STK31: variants seen among roughly 807,000 people sequenced by gnomAD.
The protein encoded by STK31 is serine/threonine-protein kinase 31.
A neutral mutation model predicts 129.7 loss-of-function variants in STK31; 89 were observed. That is an observed-to-expected ratio of 0.69 (90% confidence interval 0.58 to 0.82). The LOEUF (loss-of-function observed/expected upper bound fraction) is 0.82. Ranked by LOEUF, STK31 falls within the 40% of genes least tolerant of loss-of-function variation. The pLI is 0.00. For missense variants in STK31, 1,187 were observed against 1,176.4 expected, an observed-to-expected ratio of 1.01 and a Z score of -0.13; for synonymous variants, 448 against 395.3, an observed-to-expected ratio of 1.13 and a Z score of -1.58.
At chr7:23,721,277 A>G in intron 4 of STK31, 1 of 570,484 alleles carries the variant, frequency 1.8e-6, no homozygotes. Context: ...TAAGGGAATT[A>G]CTGGTGGCAT....
At chr7:23,726,172 A>T (rs1239665709) in intron 4 of STK31, 2 of 152,204 alleles carry the variant, frequency 1.3e-5, no homozygotes, top group Non-Finnish European at 2.9e-5. Context: ...TCTAAATCAT[A>T]GACACCTTCA....
intron 13 of STK31, 133 bp from the exon 14 acceptor site, chr7:23,770,872 T>G: frequency 1.1e-6 from 1 of 948,292 alleles, no homozygotes; most frequent in Non-Finnish European, 1.5e-6. Context: ...AACATTTGTG[T>G]TTAAGAACTG....
chr7:23,778,132 ATTCTT>A (rs1790675317), intron 15 of STK31, among the ~76,000 whole-genome samples: 1 of 152,194 alleles, frequency 6.6e-6, no homozygotes, highest in African/African-American at 2.4e-5. Context: ...TGGTCTGAAA[ATTCTT>A]TTCTTTAAGA....
At chr7:23,785,636 T>A in intron 18 of STK31, 33 bp downstream of exon 18, 7 of 1,599,386 alleles carry the variant, frequency 4.4e-6, no homozygotes, top group Non-Finnish European at 6.0e-6. Context: ...TGTGGGAGAT[T>A]CAGCAGCATA....
At chr7:23,750,925 C>T (rs899574064) in intron 8 of STK31, among the ~76,000 whole-genome samples, 2 of 152,144 alleles carry the variant, frequency 1.3e-5, no homozygotes, top group African/African-American at 4.8e-5. Context: ...ATATACAATA[C>T]ATCATTAACT....
At chr7:23,730,269 T>C (rs1787324306) in intron 6 of STK31, among the ~76,000 whole-genome samples, 1 of 152,240 alleles carries the variant, frequency 6.6e-6, no homozygotes, top group Non-Finnish European at 1.5e-5. Context: ...AGTTTAATCA[T>C]TGTAAGCATT....
At chr7:23,751,376 A>G (rs1428921767) in intron 8 of STK31, among the ~76,000 whole-genome samples, 1 of 152,134 alleles carries the variant, frequency 6.6e-6, no homozygotes, top group Non-Finnish European at 1.5e-5. Flanking sequence ...GGTTCCTGCA[A>G]TATATTTTGT....
chr7:23,826,526 C>T (rs1376243003), intron 23 of STK31, among the ~76,000 whole-genome samples: 1 of 152,174 alleles, frequency 6.6e-6, no homozygotes, highest in Non-Finnish European at 1.5e-5. Flanking sequence ...GAATACAGCA[C>T]ACTGATGGGT....
chr7:23,798,643 C>T (rs1347083878), intron 22 of STK31, among the ~76,000 whole-genome samples: 2 of 152,212 alleles, frequency 1.3e-5, no homozygotes. Flanking sequence ...CAGCTAATAT[C>T]TTACTGAATG....
chr7:23,762,735 C>T, intron 10 of STK31, 66 bp from the exon 11 acceptor site: 2 of 1,557,588 alleles, frequency 1.3e-6, no homozygotes, highest in Non-Finnish European at 1.7e-6. Context: ...CACTTTTTTT[C>T]ATATAGGTCA....
At chr7:23,752,669 C>G (rs1338933909) in intron 8 of STK31, 48 bp from the exon 9 acceptor site, 4 of 1,344,052 alleles carry the variant, frequency 3.0e-6, no homozygotes, top group African/African-American at 1.4e-5. Flanking sequence ...AGCAGAAATA[C>G]AGTTTCCTAT....
intron 11 of STK31, among the ~76,000 whole-genome samples, chr7:23,764,024 A>G (rs925973742): frequency 1.3e-5 from 2 of 152,132 alleles, no homozygotes; most frequent in Admixed American, 6.6e-5. Context: ...ACATCTGGGC[A>G]TTGTTTCTTT....
At chr7:23,790,786 GT>G (rs1395297340) in intron 21 of STK31, 37 bp from the exon 22 acceptor site, 1 of 1,547,096 alleles carries the variant, frequency 6.5e-7, no homozygotes, top group African/African-American at 1.4e-5. Flanking sequence ...CACCTCAACT[GT>G]GTTGTATCTG....
At chr7:23,754,287 T>A (rs1365018025) in intron 9 of STK31, 28 bp from the exon 10 acceptor site, 20 of 1,597,012 alleles carry the variant, frequency 1.3e-5, no homozygotes, top group Non-Finnish European at 1.5e-5. Context: ...TTTATTGATC[T>A]TCTTCTTTTT....
At chr7:23,731,658 C>G (rs1421947862) in intron 6 of STK31, among the ~76,000 whole-genome samples, 1 of 152,182 alleles carries the variant, frequency 6.6e-6, no homozygotes, top group African/African-American at 2.4e-5. Flanking sequence ...CTAACACTTT[C>G]ACGCTATGCT....
Position 23,710,284 on chromosome 7 carries a change from G to GTA in STK31, c.1_2dup, listed in dbSNP as rs778567866. On this transcript the variant is annotated 5_prime_UTR_variant, in exon 1 of 24. Transcript: ENST00000355870. ...CGGCGGGCGGAGGGCCGAAAGTCCA[G>GTA]TATGTGGGTCCAGGGTCACTCTTCT... 1.2e-5 allele frequency: 19 copies of GTA among 1,612,446 alleles called. No homozygotes were observed. In the South Asian group the frequency reaches 1.9e-4, roughly 16 times the overall value.
At chr7:23,802,352 G>A (rs992750250) in intron 22 of STK31, among the ~76,000 whole-genome samples, 2 of 152,196 alleles carry the variant, frequency 1.3e-5, no homozygotes, top group African/African-American at 2.4e-5. Context: ...CCCGCTGTGC[G>A]GTCCAGATGG....
intron 22 of STK31, among the ~76,000 whole-genome samples, chr7:23,799,063 T>C (rs12700480): frequency 0.99 from 151,231 of 152,276 alleles, 75,110 homozygotes; most frequent in Middle Eastern, 1. Context: ...TCAAGAAGAA[T>C]TACAAACCAC....
chr7:23,805,132 G>A (rs1247124381), intron 22 of STK31, among the ~76,000 whole-genome samples: 2 of 151,820 alleles, frequency 1.3e-5, no homozygotes, highest in Non-Finnish European at 2.9e-5. Context: ...CTAGGGTGCA[G>A]TGGTGTGATC....
Sources: allele counts gnomAD v4.1 joint callset (sites outside exome capture counted in the v4.1 genomes callset), GRCh38; gene constraint gnomAD v4.1.1; transcripts MANE v1.5; gene names NCBI Gene and HGNC (gene_info 2026-07-23, HGNC 2026-07-21).